Variants in TTC8 observed in about 807,000 individuals in gnomAD.
TTC8 encodes tetratricopeptide repeat protein 8.
Under a neutral mutation model 72.5 loss-of-function variants are expected in TTC8, and 47 were observed. The ratio of observed to expected loss-of-function variants is 0.65; its 90% CI spans 0.51 to 0.83. TTC8 has a LOEUF of 0.83. TTC8 is among the 40% of genes least tolerant of loss of function. The pLI is 0.00. For missense variants in TTC8, 611 were observed against 623.2 expected (o/e 0.98, Z 0.21); for synonymous variants, 199 against 221.4 (o/e 0.90, Z 0.90).
At chr14:88,841,346 A>T in intron 5 of TTC8, 79 bp from the exon 6 acceptor site, 1 of 1,596,780 alleles carries the variant, frequency 6.3e-7, no homozygotes, top group East Asian at 2.2e-5. Flanking sequence ...TGTTGCCTTT[A>T]TATTTTTATG....
At chr14:88,861,148 C>A in intron 9 of TTC8, 74 bp from the exon 10 acceptor site, 1 of 1,126,426 alleles carries the variant, frequency 8.9e-7, no homozygotes, top group Non-Finnish European at 1.3e-6. Context: ...TGTTACTAAT[C>A]AATAATTATA....
At position 88,832,478 on chromosome 14, in the gene TTC8, C is replaced by CT. The variant is rs995921063; in HGVS notation, c.115-1205dup. On this transcript the variant is annotated intron_variant, in intron 1 of 14. Transcript: ENST00000380656. Reference sequence around the variant, plus strand: ...TTCCTGCCTTACTATGTCCAACTCTCTTTTTTTTTTAATCTCCAAGAGGCA... The same window carrying CT: ...TTCCTGCCTTACTATGTCCAACTCTCTTTTTTTTTTTAATCTCCAAGAGGCA... Among the ~76,000 whole-genome samples, 15 of 149,284 alleles carry CT rather than the reference C, an allele frequency of 1.0e-4. 1 individual carries two copies. The highest frequency in any genetic ancestry group is 2.2e-4 in the African/African-American group (9 of 40,824).
At chr14:88,874,955 A>G in intron 13 of TTC8, 71 bp from the exon 14 acceptor site, 2 of 1,275,126 alleles carry the variant, frequency 1.6e-6, no homozygotes, top group Non-Finnish European at 2.2e-6. Flanking sequence ...TTACCAAAAA[A>G]AAAACACAAA....
intron 10 of TTC8, among the ~76,000 whole-genome samples, chr14:88,864,564 C>T (rs1011615590): frequency 7.9e-5 from 12 of 152,290 alleles, no homozygotes; most frequent in East Asian, 7.7e-4. Flanking sequence ...GGCTGTGATA[C>T]GGAGTAGCTC....
chr14:88,841,453 C>T lies in TTC8; in HGVS notation c.518C>T (p.Pro173Leu). The change falls in exon 6 of 15, where the codon CCA becomes CTA. Residue 173 changes from proline (P) to leucine (L), a missense_variant. Pro to Leu is a moderately conservative substitution (Grantham distance 98). Coordinates refer to ENST00000380656, the MANE Select transcript of TTC8 (RefSeq NM_144596.4). ...TASMLTSPDG[P>L]FINLSRLNLT... The stretch of plus-strand genomic sequence containing the variant: ...TCCATGCTTACAAGTCCTGATGGAC[C>T]ATTTATAAATTTATCTAGGCTGAAT... The T allele has an allele frequency of 6.2e-7, 1 of 1,613,664 alleles. No individual in the cohort carries two copies. Among genetic ancestry groups the T allele is most frequent in the Admixed American group, 1.7e-5 (1 of 59,988 alleles).
intron 8 of TTC8, among the ~76,000 whole-genome samples, chr14:88,856,097 T>A (rs913206604): frequency 6.6e-6 from 1 of 152,136 alleles, no homozygotes; most frequent in African/African-American, 2.4e-5. Flanking sequence ...AGAAAAAGAT[T>A]TGCATGTTCA....
intron 2 of TTC8, 34 bp from the exon 3 acceptor site, chr14:88,839,418 T>A: frequency 6.2e-7 from 1 of 1,608,336 alleles, no homozygotes; most frequent in South Asian, 1.1e-5. Context: ...CTAATGCTAT[T>A]TTAATATATG....
intron 7 of TTC8, among the ~76,000 whole-genome samples, chr14:88,850,536 A>G (rs976024540): frequency 2.6e-5 from 4 of 152,144 alleles, no homozygotes; most frequent in Non-Finnish European, 5.9e-5. Context: ...CACTAAAAAC[A>G]TAAAACATTA....
intron 3 of TTC8, chr14:88,840,333 T>C (rs2094774287): frequency 6.3e-6 from 1 of 159,470 alleles, no homozygotes; most frequent in Admixed American, 6.1e-5. Flanking sequence ...TCTCAGTCAT[T>C]TATATCTTTT....
intron 7 of TTC8, among the ~76,000 whole-genome samples, chr14:88,846,010 T>C (rs183370458): frequency 1.1e-4 from 16 of 152,100 alleles, no homozygotes; most frequent in Admixed American, 9.8e-4. Flanking sequence ...GGAGTGGTCA[T>C]TGAAGTCTCT....
intron 2 of TTC8, among the ~76,000 whole-genome samples, chr14:88,835,032 G>A (rs2094744102): frequency 6.6e-6 from 1 of 152,108 alleles, no homozygotes; most frequent in African/African-American, 2.4e-5. Context: ...TTTGCACACT[G>A]TTACAACTTC....
chr14:88,846,710 T>C (rs1013839608), intron 7 of TTC8: 17 of 1,122,930 alleles, frequency 1.5e-5, no homozygotes, highest in African/African-American at 3.1e-5. Context: ...GCACTTAATA[T>C]TCTAAAGATT....
chr14:88,841,317 A>T, intron 5 of TTC8, 108 bp from the exon 6 acceptor site: 1 of 1,582,688 alleles, frequency 6.3e-7, no homozygotes, highest in South Asian at 1.1e-5. Flanking sequence ...AGATTTTTGA[A>T]GGTGATTATT....
In TTC8 at chr14:88,870,098, G is replaced by A. The variant is rs1014022; in HGVS notation, c.949G>A (p.Glu317Lys). The A allele has an allele frequency of 8.7e-6, 14 of 1,613,878 alleles. No homozygotes were observed. The East Asian group carries it at 1.6e-4, about 18-fold the overall frequency. ...GTCATCAGCAGCAGAATATTACAAA[G>A]AAGTTTTGAAACAAGACAATACTCA... ...NMSSAAEYYK[E>K]VLKQDNTHVE... Residue 317 changes from glutamate to lysine, a missense_variant, in exon 11 of 15, where the codon GAA becomes AAA. Physicochemically the swap from Glu to Lys is moderately conservative, Grantham distance 56. Transcript: ENST00000380656.
chr14:88,860,273 C>T (rs539469184), intron 9 of TTC8, among the ~76,000 whole-genome samples: 184 of 151,786 alleles, frequency 1.2e-3, no homozygotes, highest in Non-Finnish European at 2.3e-3. Flanking sequence ...CAAAGCACAC[C>T]CTTACTGTTT....
At chr14:88,836,564 G>C (rs2094752409) in intron 2 of TTC8, among the ~76,000 whole-genome samples, 1 of 151,566 alleles carries the variant, frequency 6.6e-6, no homozygotes, top group Non-Finnish European at 1.5e-5. Context: ...GGAAGGAAGA[G>C]TGGATTTTCT....
intron 13 of TTC8, among the ~76,000 whole-genome samples, chr14:88,874,509 CA>C (rs1030664047): frequency 6.6e-6 from 1 of 152,090 alleles, no homozygotes; most frequent in African/African-American, 2.4e-5. Context: ...GTCTCACTAA[CA>C]AAACTGATCA....
At chr14:88,867,060 T>C (rs757186070) in intron 10 of TTC8, among the ~76,000 whole-genome samples, 3 of 152,202 alleles carry the variant, frequency 2.0e-5, no homozygotes, top group Non-Finnish European at 4.4e-5. Flanking sequence ...AGAAGTTCTA[T>C]GTTATCTAGG....
chr14:88,835,877 C>T (rs1246873820), intron 2 of TTC8, among the ~76,000 whole-genome samples: 1 of 151,990 alleles, frequency 6.6e-6, no homozygotes, highest in Non-Finnish European at 1.5e-5. Flanking sequence ...GCCAAAGCTC[C>T]TTCTGCTGTT....
Sources: allele counts gnomAD v4.1 joint callset (sites outside exome capture counted in the v4.1 genomes callset), GRCh38; gene constraint gnomAD v4.1.1; transcripts MANE v1.5; gene names NCBI Gene and HGNC (gene_info 2026-07-23, HGNC 2026-07-21).